The following RUNX1 variants were observed in gnomAD, a reference collection of about 807,000 sequenced individuals.
RUNX1 encodes runt-related transcription factor 1.
Under a neutral mutation model 42.8 loss-of-function variants are expected in RUNX1, and 19 were observed. That is an observed-to-expected ratio of 0.44 (90% CI 0.31 to 0.65). RUNX1 has a LOEUF of 0.65. Among genes scored for constraint, RUNX1 ranks in the 30% least tolerant of loss-of-function variants. The pLI, the probability that RUNX1 is intolerant of heterozygous loss-of-function variation, is 0.07. For missense variants in RUNX1, 528 were observed against 672.0 expected, an observed-to-expected ratio of 0.79 and a Z score of 2.37; for synonymous variants, 271 against 289.4, an observed-to-expected ratio of 0.94 and a Z score of 0.64.
chr21:34,920,030 G>C (rs896183207), intron 2 of RUNX1, among the ~76,000 whole-genome samples: 2 of 152,200 alleles, frequency 1.3e-5, no homozygotes, highest in African/African-American at 4.8e-5. Context: ...TGACCTTCCA[G>C]GTGCAGATAG....
intron 6 of RUNX1, among the ~76,000 whole-genome samples, chr21:34,837,267 C>A (rs1444601278): frequency 6.6e-6 from 1 of 152,110 alleles, no homozygotes; most frequent in Non-Finnish European, 1.5e-5. Flanking sequence ...TTCCACTCTC[C>A]CCACGTGTGT....
intron 6 of RUNX1, among the ~76,000 whole-genome samples, chr21:34,838,691 T>C (rs2146099850): frequency 6.6e-6 from 1 of 152,306 alleles, no homozygotes; most frequent in Non-Finnish European, 1.5e-5. Context: ...AAGAAATCAA[T>C]GTGTGTAGAG....
intron 2 of RUNX1, among the ~76,000 whole-genome samples, chr21:34,933,173 G>A (rs1344152308): frequency 6.6e-6 from 1 of 152,200 alleles, no homozygotes; most frequent in African/African-American, 2.4e-5. Flanking sequence ...TGGAAAATTA[G>A]TGGTTGGGAA....
chr21:34,991,826 T>C (rs1485456880), intron 2 of RUNX1, among the ~76,000 whole-genome samples: 2 of 152,146 alleles, frequency 1.3e-5, no homozygotes, highest in African/African-American at 2.4e-5. Flanking sequence ...TGGATTAGGG[T>C]GGGCTCTGAA....
chr21:34,952,360 C>T (rs2058614833), intron 2 of RUNX1, among the ~76,000 whole-genome samples: 1 of 151,768 alleles, frequency 6.6e-6, no homozygotes. Flanking sequence ...TGCACATGTA[C>T]CCTAGAACTT....
intron 2 of RUNX1, among the ~76,000 whole-genome samples, chr21:34,976,844 G>A (rs1337611711): frequency 6.6e-6 from 1 of 151,350 alleles, no homozygotes; most frequent in Non-Finnish European, 1.5e-5. Context: ...TCTGCTAGGT[G>A]ATATCGGTAG....
In RUNX1 at chr21:34,792,522, G is replaced by A. The variant is rs2145877419; in HGVS notation, c.1056C>T (p.Ala352=). Reference sequence around the variant, plus strand: ...TGACCGGCGTCGGGGAGTAGGTGAAGGCGCCTGGATAGTGCATGCGGGGGT... The same window carrying A: ...TGACCGGCGTCGGGGAGTAGGTGAAAGCGCCTGGATAGTGCATGCGGGGGT... ...ISDPRMHYPG[A]FTYSPTPVTS... is the part of the protein sequence containing the mutation. The change falls in exon 9 of 9, where the codon GCC becomes GCT. Residue 352 remains alanine (A), a synonymous_variant. Coordinates refer to ENST00000675419, the MANE Select transcript of RUNX1 (RefSeq NM_001754.5). The surrounding 1 kb of genome is among the most constrained non-coding windows in gnomAD (Gnocchi z 6.9). 4.4e-6 allele frequency: 7 copies of A among 1,604,920 alleles called. No homozygotes were observed. Among genetic ancestry groups the A allele is most frequent in the South Asian group, 1.1e-5 (1 of 89,458 alleles).
chr21:34,962,935 T>C (rs185821145), intron 2 of RUNX1, among the ~76,000 whole-genome samples: 2 of 152,276 alleles, frequency 1.3e-5, no homozygotes, highest in Admixed American at 1.3e-4. Context: ...CCTATTATCA[T>C]CTAAGAGAGC....
At chr21:34,991,628 C>T (rs556221626) in intron 2 of RUNX1, among the ~76,000 whole-genome samples, 146 of 152,220 alleles carry the variant, frequency 9.6e-4, no homozygotes, top group African/African-American at 2.9e-3. Context: ...AGGCACAAAG[C>T]GGTGATGTGA....
At chr21:34,890,270 C>T (rs939015301) in intron 3 of RUNX1, among the ~76,000 whole-genome samples, 3 of 152,254 alleles carry the variant, frequency 2.0e-5, no homozygotes, top group African/African-American at 4.8e-5. Flanking sequence ...GGAACGCCCC[C>T]GACGGCGCGG....
At chr21:35,040,649 G>A (rs1049806049) in intron 2 of RUNX1, among the ~76,000 whole-genome samples, 9 of 151,834 alleles carry the variant, frequency 5.9e-5, no homozygotes, top group African/African-American at 2.2e-4. Flanking sequence ...GCACACACCT[G>A]TAATCCCAGC....
At chr21:34,825,924 C>A (rs2056980437) in intron 7 of RUNX1, among the ~76,000 whole-genome samples, 1 of 152,154 alleles carries the variant, frequency 6.6e-6, no homozygotes, top group Admixed American at 6.5e-5. Flanking sequence ...CCAAGGAATG[C>A]CACCAGTGGC....
chr21:34,802,406 T>A (rs747646184), intron 7 of RUNX1, among the ~76,000 whole-genome samples: 13 of 152,250 alleles, frequency 8.5e-5, no homozygotes, highest in Non-Finnish European at 1.9e-4. Flanking sequence ...TCAGTGAAGA[T>A]CCCAGGATCT....
intron 2 of RUNX1, among the ~76,000 whole-genome samples, chr21:35,024,697 G>A (rs561392819): frequency 1.5e-4 from 23 of 152,290 alleles, no homozygotes; most frequent in Admixed American, 7.8e-4. Context: ...TGACTAATTT[G>A]GAGATTACTT....
At chr21:34,830,382 A>G (rs1391637706) in intron 7 of RUNX1, among the ~76,000 whole-genome samples, 1 of 152,212 alleles carries the variant, frequency 6.6e-6, no homozygotes, top group Non-Finnish European at 1.5e-5. Flanking sequence ...ATGCACATGT[A>G]CCAAAGGAGA....
intron 4 of RUNX1, among the ~76,000 whole-genome samples, chr21:34,883,105 A>G (rs2057930115): frequency 6.6e-6 from 1 of 152,164 alleles, no homozygotes; most frequent in African/African-American, 2.4e-5. Context: ...TACTATCCTC[A>G]TTGGTAATTT....
chr21:34,962,304 GC>G (rs2058687157), intron 2 of RUNX1, among the ~76,000 whole-genome samples: 1 of 152,176 alleles, frequency 6.6e-6, no homozygotes, highest in Admixed American at 6.5e-5. Flanking sequence ...GGAAGAAGAG[GC>G]TGTGTTTCGC....
At chr21:34,967,627 G>A (rs992258829) in intron 2 of RUNX1, among the ~76,000 whole-genome samples, 3 of 152,174 alleles carry the variant, frequency 2.0e-5, no homozygotes, top group African/African-American at 7.2e-5. Context: ...GGTGAGAAGT[G>A]ACACAGAGTC....
chr21:34,987,143 T>G (rs2058893967), intron 2 of RUNX1, among the ~76,000 whole-genome samples: 1 of 152,246 alleles, frequency 6.6e-6, no homozygotes, highest in Non-Finnish European at 1.5e-5. Flanking sequence ...GGAACGTTGT[T>G]TTGACTAGGC....
Sources: gnomAD v4.1 joint callset for allele counts (sites outside exome capture counted in the v4.1 genomes callset) on GRCh38, gnomAD v4.1.1 for gene constraint, Gnocchi (gnomAD v3.1) non-coding constraint, MANE v1.5 for transcripts, NCBI Gene and HGNC (gene_info 2026-07-23, HGNC 2026-07-21) for gene names.